GOLPH3: variants seen among roughly 807,000 people sequenced by gnomAD.
GOLPH3 encodes coat protein GPP34.
A neutral mutation model predicts 28.5 loss-of-function variants in GOLPH3; 14 were observed. The observed-to-expected ratio is 0.49, with a 90% confidence interval of 0.32 to 0.77. The LOEUF (loss-of-function observed/expected upper bound fraction) is 0.77. Ranked by LOEUF, GOLPH3 falls within the 30% of genes least tolerant of loss-of-function variation. The probability of loss-of-function intolerance (pLI) is 0.03; values close to 1 mark genes in which losing one functional copy is unlikely to be tolerated. For missense variants in GOLPH3, 350 were observed against 393.7 expected (o/e 0.89, Z 0.94); for synonymous variants, 158 against 159.2 (o/e 0.99, Z 0.06).
chr5:32,134,533 A>C (rs532796696), intron 3 of GOLPH3, among the ~76,000 whole-genome samples: 1 of 151,922 alleles, frequency 6.6e-6, no homozygotes, highest in Admixed American at 6.6e-5. Flanking sequence ...AAAAAAAAAA[A>C]AAAAACTCAG....
intron 1 of GOLPH3, among the ~76,000 whole-genome samples, chr5:32,165,294 T>C (rs1203710075): frequency 1.3e-5 from 2 of 152,168 alleles, no homozygotes; most frequent in East Asian, 3.9e-4. Context: ...CAAAAAATTA[T>C]AGAACAGGCC....
At position 32,140,301 on chromosome 5, in the gene GOLPH3, C is replaced by T. The variant is rs1437939625; in HGVS notation, c.357+3448G>A. On this transcript the variant is annotated intron_variant, in intron 2 of 3. Transcript: ENST00000265070. ...CGAGGATCACTTGAACCCAAGCGTT[C>T]AAGACCAGCCTGGGCAATAAAGTAA... is the stretch of plus-strand genomic sequence containing the variant. Among the ~76,000 whole-genome samples the T allele has an allele frequency of 3.9e-5, 6 of 152,068 alleles. No individual in the cohort carries two copies. The East Asian group carries it at 1.2e-3, about 29-fold the overall frequency.
At chr5:32,143,177 G>A (rs1181617778) in intron 2 of GOLPH3, among the ~76,000 whole-genome samples, 3 of 152,162 alleles carry the variant, frequency 2.0e-5, no homozygotes, top group African/African-American at 7.2e-5. Context: ...TCTGAAACAT[G>A]TGCTGTATCC....
intron 1 of GOLPH3, 121 bp downstream of exon 1, chr5:32,173,689 T>C (rs1177164973): frequency 3.1e-6 from 2 of 646,698 alleles, no homozygotes; most frequent in African/African-American, 1.9e-5. Context: ...AGGCGCGGAC[T>C]TCGGAGCGAG....
rs70961610 is a variant in GOLPH3, at chr5:32,158,132, T to TACACAC, written c.226-14258_226-14253dup. On this transcript the variant is annotated intron_variant, in intron 1 of 3. Coordinates refer to ENST00000265070, the MANE Select transcript of GOLPH3 (RefSeq NM_022130.4). ...TAAATAAATAAATAAATAAATAAAATACACACACACACACACACACACACA... is the reference window on the plus strand; with the variant it reads ...TAAATAAATAAATAAATAAATAAAATACACACACACACACACACACACACACACACA... Among the ~76,000 whole-genome samples, 129 of 33,672 alleles carry TACACAC rather than the reference T, an allele frequency of 3.8e-3. 5 individuals are homozygous for TACACAC. Among genetic ancestry groups the TACACAC allele is most frequent in the Middle Eastern group, 0.016 (1 of 62 alleles). 22.1% of individuals were successfully genotyped at this position (33,672 alleles called of 152,430 possible). A position where few individuals can be genotyped will look rare whatever the true frequency, so the allele number is the denominator to read the frequency against.
At chr5:32,165,430 A>G (rs1298926794) in intron 1 of GOLPH3, among the ~76,000 whole-genome samples, 1 of 152,128 alleles carries the variant, frequency 6.6e-6, no homozygotes, top group Non-Finnish European at 1.5e-5. Flanking sequence ...TAAAAATACA[A>G]AAAGTACCCC....
At chr5:32,139,807 A>T (rs747665150) in intron 2 of GOLPH3, among the ~76,000 whole-genome samples, 1 of 152,240 alleles carries the variant, frequency 6.6e-6, no homozygotes, top group Non-Finnish European at 1.5e-5. Flanking sequence ...AGAAACAGAT[A>T]TAATACAGAT....
At chr5:32,127,576 A>T (rs562543562) in intron 3 of GOLPH3, among the ~76,000 whole-genome samples, 27 of 152,362 alleles carry the variant, frequency 1.8e-4, no homozygotes, top group African/African-American at 6.0e-4. Flanking sequence ...GGCACTAGCC[A>T]CATTTCACGT....
At chr5:32,155,008 A>G (rs753273060) in intron 1 of GOLPH3, among the ~76,000 whole-genome samples, 5 of 152,028 alleles carry the variant, frequency 3.3e-5, no homozygotes, top group Non-Finnish European at 7.4e-5. Flanking sequence ...ACTTGAACCC[A>G]AGAGACAAAG....
chr5:32,171,464 C>G (rs1381893339), intron 1 of GOLPH3, among the ~76,000 whole-genome samples: 1 of 151,378 alleles, frequency 6.6e-6, no homozygotes, highest in Non-Finnish European at 1.5e-5. Flanking sequence ...CAGTGTGACT[C>G]AGAACACCAA....
At chr5:32,149,056 A>G (rs1746245329) in intron 1 of GOLPH3, among the ~76,000 whole-genome samples, 1 of 151,606 alleles carries the variant, frequency 6.6e-6, no homozygotes. Context: ...CTCCCTCCTG[A>G]GTATCTGAAC....
chr5:32,163,937 C>A (rs1746649589), intron 1 of GOLPH3, among the ~76,000 whole-genome samples: 1 of 152,114 alleles, frequency 6.6e-6, no homozygotes, highest in South Asian at 2.1e-4. Context: ...GAAACTGGAA[C>A]TAGAAAATGA....
chr5:32,159,322 T>C (rs1325535691), intron 1 of GOLPH3, among the ~76,000 whole-genome samples: 1 of 152,242 alleles, frequency 6.6e-6, no homozygotes, highest in Non-Finnish European at 1.5e-5. Context: ...CTTATACACA[T>C]AGCCAAATGT....
intron 1 of GOLPH3, among the ~76,000 whole-genome samples, chr5:32,164,445 G>C (rs1329130190): frequency 6.6e-6 from 1 of 151,730 alleles, no homozygotes; most frequent in Non-Finnish European, 1.5e-5. Flanking sequence ...CCAGGCTGGA[G>C]TGCAGTGGCG....
At chr5:32,147,104 A>G (rs965928388) in intron 1 of GOLPH3, among the ~76,000 whole-genome samples, 2 of 152,222 alleles carry the variant, frequency 1.3e-5, no homozygotes, top group South Asian at 4.1e-4. Flanking sequence ...AAAAACTTAT[A>G]AATGTTCACA....
intron 1 of GOLPH3, among the ~76,000 whole-genome samples, chr5:32,159,848 G>A (rs185555067): frequency 6.6e-6 from 1 of 152,286 alleles, no homozygotes; most frequent in East Asian, 1.9e-4. Flanking sequence ...CTAGAGCAGT[G>A]ATACCTCGAG....
At chr5:32,164,594 C>T (rs1746665352) in intron 1 of GOLPH3, among the ~76,000 whole-genome samples, 1 of 151,952 alleles carries the variant, frequency 6.6e-6, no homozygotes, top group African/African-American at 2.4e-5. Context: ...GACAGGCTTT[C>T]ACCATGTTAG....
chr5:32,155,310 T>C (rs114037166), intron 1 of GOLPH3, among the ~76,000 whole-genome samples: 3,422 of 152,228 alleles, frequency 0.022, 120 homozygotes, highest in African/African-American at 0.076. Flanking sequence ...CTCAGCCTCC[T>C]GAGTAGCTGA....
At chr5:32,173,220 T>C (rs1377172651) in intron 1 of GOLPH3, among the ~76,000 whole-genome samples, 3 of 150,220 alleles carry the variant, frequency 2.0e-5, no homozygotes, top group Admixed American at 1.3e-4. Context: ...ACCTAGAAAG[T>C]CATTTACCAG....
Sources: allele counts gnomAD v4.1 joint callset (sites outside exome capture counted in the v4.1 genomes callset), GRCh38; gene constraint gnomAD v4.1.1; transcripts MANE v1.5; gene names NCBI Gene and HGNC (gene_info 2026-07-23, HGNC 2026-07-21).